The following HIRA variants were observed in gnomAD, a reference collection of about 807,000 sequenced individuals.
The protein encoded by HIRA is histone cell cycle regulator.
In HIRA, 13 loss-of-function variants were observed where a neutral mutation model predicts 126.6. The observed-to-expected ratio is 0.10, with a 90% CI of 0.07 to 0.16. The LOEUF (loss-of-function observed/expected upper bound fraction) is 0.16. Ranked by LOEUF, HIRA falls within the 10% of genes least tolerant of loss-of-function variation. The pLI is 1.00. For missense variants in HIRA, 834 were observed against 1,314.4 expected, an observed-to-expected ratio of 0.63 and a Z score of 5.65; for synonymous variants, 511 against 520.0, an observed-to-expected ratio of 0.98 and a Z score of 0.24.
chr22:19,381,738 T>C (rs1184971187), intron 13 of HIRA, among the ~76,000 whole-genome samples: 3 of 152,226 alleles, frequency 2.0e-5, no homozygotes, highest in African/African-American at 7.2e-5. Flanking sequence ...GAATTTATTA[T>C]GTTTTATCCT....
chr22:19,374,338 G>C (rs1449947397), intron 15 of HIRA, among the ~76,000 whole-genome samples: 2 of 152,020 alleles, frequency 1.3e-5, no homozygotes, highest in Non-Finnish European at 2.9e-5. Flanking sequence ...TTCTGGTAGA[G>C]ATACGGGTCT....
intron 24 of HIRA, among the ~76,000 whole-genome samples, chr22:19,338,654 G>T (rs1556006704): frequency 6.6e-6 from 1 of 152,106 alleles, no homozygotes; most frequent in Non-Finnish European, 1.5e-5. Flanking sequence ...CCAAAAGCGA[G>T]CAGAAATAGC....
chr22:19,415,726 T>C (rs539776670), intron 1 of HIRA, among the ~76,000 whole-genome samples: 1 of 151,600 alleles, frequency 6.6e-6, no homozygotes, highest in South Asian at 2.1e-4. Flanking sequence ...GAGGTGGAGG[T>C]TGCAGTGAGC....
At chr22:19,349,805 G>A (rs2088734179) in intron 24 of HIRA, among the ~76,000 whole-genome samples, 1 of 152,146 alleles carries the variant, frequency 6.6e-6, no homozygotes, top group Non-Finnish European at 1.5e-5. Context: ...GCCTTTTGAT[G>A]TCAACTCCTT....
At chr22:19,363,842 G>A (rs569830558) in intron 15 of HIRA, among the ~76,000 whole-genome samples, 44 of 152,280 alleles carry the variant, frequency 2.9e-4, no homozygotes, top group Admixed American at 7.2e-4. Flanking sequence ...AGGTTGCAGT[G>A]AGCCGAGATG....
intron 9 of HIRA, among the ~76,000 whole-genome samples, chr22:19,389,542 T>C (rs1309548701): frequency 1.1e-4 from 17 of 152,084 alleles, no homozygotes; most frequent in Admixed American, 1.1e-3. Context: ...TCTACCCTAG[T>C]GGTGGAGAGG....
chr22:19,415,735 G>A (rs1347138911), intron 1 of HIRA, among the ~76,000 whole-genome samples: 1 of 152,098 alleles, frequency 6.6e-6, no homozygotes, highest in Non-Finnish European at 1.5e-5. Flanking sequence ...GTTGCAGTGA[G>A]CCAATTTTGT....
At chr22:19,331,850 C>T (rs2088492153) in intron 24 of HIRA, among the ~76,000 whole-genome samples, 1 of 152,182 alleles carries the variant, frequency 6.6e-6, no homozygotes, top group African/African-American at 2.4e-5. Flanking sequence ...AGTTCCCTGA[C>T]CATCCAGGGC....
Position 19,385,517 on chromosome 22 carries a change from T to C in HIRA, c.1329+4A>G. The stretch of plus-strand genomic sequence containing the variant: ...TCTTTAGCGCCACCAGGCAGGGCTC[T>C]CACCTTCCTGATATCTTCAAGACTC... On this transcript the variant is annotated splice_donor_region_variant and intron_variant, in intron 12 of 24. Transcript: ENST00000263208. The C allele has an allele frequency of 6.2e-7, 1 of 1,612,484 alleles. No individual in the cohort carries two copies. Among genetic ancestry groups the C allele is most frequent in the Non-Finnish European group, 8.5e-7 (1 of 1,178,688 alleles).
Position 19,410,252 on chromosome 22 carries a change from CCA to C in HIRA, c.100+462_100+463del, listed in dbSNP as rs1315736894. ...AAATGGTGTGGGCTTTCTTACTTGC[CCA>C]CAGTGTGCTTTCTCTTTAACCTAAC... On this transcript the variant is annotated intron_variant, in intron 2 of 24. Transcript: ENST00000263208. Among the ~76,000 whole-genome samples, 4 of 152,332 alleles carry C rather than the reference CCA, an allele frequency of 2.6e-5. No homozygotes were observed. In the East Asian group the frequency reaches 5.8e-4, roughly 22 times the overall value.
rs1447095324 is a variant in HIRA, at chr22:19,337,131, C to G, written c.2938-5575G>C. Among the ~76,000 whole-genome samples, 3 of 151,682 alleles carry G rather than the reference C, an allele frequency of 2.0e-5. No individual in the cohort carries two copies. The East Asian group carries it at 5.8e-4, about 29-fold the overall frequency. ...TTTTTTTTTGAGACAGGGTCTCGCT[C>G]TGTTGTCCAGGCTGGAGTGCAGTGG... On this transcript the variant is annotated intron_variant, in intron 24 of 24. Coordinates refer to ENST00000263208, the MANE Select transcript of HIRA (RefSeq NM_003325.4).
intron 11 of HIRA, 117 bp downstream of exon 11, chr22:19,387,594 G>T: frequency 1.5e-6 from 1 of 665,242 alleles, no homozygotes; most frequent in Non-Finnish European, 2.6e-6. Flanking sequence ...CCCATTACAT[G>T]TTAAGAAATG....
At position 19,361,885 on chromosome 22, in the gene HIRA, G is replaced by A. The variant is rs376464704; in HGVS notation, c.1822C>T (p.Leu608=). ...TCATCGCTGTCACTGCTGCTCTCCA[G>A]GAGGTCTCGGGGCCTCAGCTCTTTC... ...LVKELRPRDL[L]ESSSDSDEKV... is the part of the protein sequence containing the mutation. The change falls in exon 16 of 25, where the codon CTG becomes TTG. Residue 608 remains leucine (L), a synonymous_variant. Coordinates refer to ENST00000263208, the MANE Select transcript of HIRA (RefSeq NM_003325.4). The A allele has an allele frequency of 3.7e-6, 6 of 1,614,094 alleles. No individual in the cohort carries two copies. Among genetic ancestry groups the A allele is most frequent in the East Asian group, 2.2e-5 (1 of 44,904 alleles).
At chr22:19,347,715 G>C (rs1440468763) in intron 24 of HIRA, among the ~76,000 whole-genome samples, 1 of 152,110 alleles carries the variant, frequency 6.6e-6, no homozygotes, top group African/African-American at 2.4e-5. Flanking sequence ...GAGGTGGGTA[G>C]ATCACCTGAG....
At chr22:19,390,587 G>A (rs112942180) in intron 9 of HIRA, among the ~76,000 whole-genome samples, 8,583 of 105,490 alleles carry the variant, frequency 0.081, 333 homozygotes, top group Middle Eastern at 0.27. Context: ...GGGCAATAGA[G>A]GGAGACTCTG....
At chr22:19,430,081 G>T (rs2089519292) in intron 1 of HIRA, 1 of 152,134 alleles carries the variant, frequency 6.6e-6, no homozygotes, top group South Asian at 2.1e-4. Flanking sequence ...GAAAACCTCA[G>T]CTTTCTTACC....
intron 24 of HIRA, among the ~76,000 whole-genome samples, chr22:19,342,121 C>A (rs1453624686): frequency 2.0e-5 from 3 of 151,798 alleles, no homozygotes; most frequent in African/African-American, 7.3e-5. Flanking sequence ...AACAAATAAC[C>A]CCATTAAAAA....
At chr22:19,410,674 C>T (rs760605222) in intron 2 of HIRA, 42 bp downstream of exon 2, 1 of 1,458,394 alleles carries the variant, frequency 6.9e-7, no homozygotes, top group Non-Finnish European at 9.6e-7. Context: ...AGCAAGGTGG[C>T]AGGGCTGTTA....
intron 23 of HIRA, among the ~76,000 whole-genome samples, chr22:19,352,303 A>G (rs543780369): frequency 6.6e-6 from 1 of 152,002 alleles, no homozygotes; most frequent in Non-Finnish European, 1.5e-5. Flanking sequence ...AGTCCCAGTC[A>G]ACACCCAGGA....
Sources: allele counts gnomAD v4.1 joint callset (sites outside exome capture counted in the v4.1 genomes callset), GRCh38; gene constraint gnomAD v4.1.1; transcripts MANE v1.5; gene names NCBI Gene and HGNC (gene_info 2026-07-23, HGNC 2026-07-21).